The following AKAP10 variants were observed in gnomAD, a reference collection of about 807,000 sequenced individuals.
AKAP10 encodes A-kinase anchoring protein 10.
A neutral mutation model predicts 80.8 loss-of-function variants in AKAP10; 24 were observed. The ratio of observed to expected loss-of-function variants is 0.30; its 90% confidence interval spans 0.22 to 0.42. The LOEUF is 0.42. Among genes scored for constraint, AKAP10 ranks in the 10% least tolerant of loss-of-function variants. The probability of loss-of-function intolerance (pLI) is 1.00; values close to 1 mark genes in which losing one functional copy is unlikely to be tolerated. For missense variants in AKAP10, 661 were observed against 794.9 expected (o/e 0.83, Z 2.03); for synonymous variants, 291 against 277.7 (o/e 1.05, Z -0.48).
intron 4 of AKAP10, among the ~76,000 whole-genome samples, chr17:19,957,398 C>T (rs980873899): frequency 2.6e-5 from 4 of 151,874 alleles, no homozygotes; most frequent in Admixed American, 6.6e-5. Context: ...AAAAATTAGC[C>T]GGGTGTGGTG....
intron 4 of AKAP10, among the ~76,000 whole-genome samples, chr17:19,956,371 C>T (rs940820006): frequency 1.3e-5 from 2 of 152,124 alleles, no homozygotes; most frequent in Non-Finnish European, 2.9e-5. Context: ...AAGCCACCAA[C>T]AGTCTGAATC....
chr17:19,906,304 G>C (rs2042631360), intron 14 of AKAP10, 72 bp from the exon 15 acceptor site: 1 of 1,516,146 alleles, frequency 6.6e-7, no homozygotes, highest in African/African-American at 1.4e-5. Context: ...ACAAATTAAG[G>C]ATGGACACCA....
At chr17:19,964,342 C>G (rs1057055008) in intron 2 of AKAP10, among the ~76,000 whole-genome samples, 2 of 152,156 alleles carry the variant, frequency 1.3e-5, no homozygotes, top group African/African-American at 4.8e-5. Context: ...GTCTATCTTT[C>G]TTGGTCTCCA....
intron 4 of AKAP10, among the ~76,000 whole-genome samples, chr17:19,948,729 T>TA (rs2043164925): frequency 6.6e-6 from 1 of 152,106 alleles, no homozygotes; most frequent in Admixed American, 6.5e-5. Context: ...CGTCGAGTTG[T>TA]ATGTGCACTC....
intron 5 of AKAP10, among the ~76,000 whole-genome samples, chr17:19,946,166 A>AATATATACT (rs60830570): frequency 0.076 from 7,945 of 103,894 alleles, 644 homozygotes; most frequent in Non-Finnish European, 0.083. Flanking sequence ...ACTAATATAT[A>AATATATACT]ATATATACTA....
At chr17:19,936,028 T>C in intron 9 of AKAP10, 1 of 314,994 alleles carries the variant, frequency 3.2e-6, no homozygotes, top group Non-Finnish European at 5.7e-6. Flanking sequence ...TTTTTCTAAC[T>C]TTTGTTATTA....
chr17:19,934,451 A>G (rs1597501843), intron 9 of AKAP10, among the ~76,000 whole-genome samples: 2 of 152,196 alleles, frequency 1.3e-5, no homozygotes, highest in South Asian at 4.1e-4. Flanking sequence ...AGGCTCATGC[A>G]ATCCTCCAGC....
chr17:19,932,354 G>A (rs1266843012), intron 9 of AKAP10, among the ~76,000 whole-genome samples: 1 of 151,256 alleles, frequency 6.6e-6, no homozygotes, highest in Non-Finnish European at 1.5e-5. Context: ...CGGGAGGCCT[G>A]AGGCAGGAGA....
rs1400972069 is a variant in AKAP10, at chr17:19,958,452, G to A, written c.439C>T (p.Arg147Ter). Residue 147 changes from arginine to a stop codon, truncating the protein, a stop_gained, in exon 4 of 15, where the codon CGA becomes TGA. Transcript: ENST00000225737. LOFTEE classifies it high-confidence loss of function. ...PYFIQFMELR[R>*]MEHLVKFWLE... ...CAAAATTTCACCAAATGCTCCATTC[G>A]CCGAAGTTCCATGAATTGAATGAAG... 1.2e-6 allele frequency: 2 copies of A among 1,613,970 alleles called. No homozygotes were observed. The highest frequency in any genetic ancestry group is 2.2e-5 in the East Asian group (1 of 44,898).
At position 19,977,578 on chromosome 17, in the gene AKAP10, G is replaced by GC. The variant is rs1178456676; in HGVS notation, c.88+13dup. On this transcript the variant is annotated intron_variant, in intron 1 of 14. Coordinates refer to ENST00000225737, the MANE Select transcript of AKAP10 (RefSeq NM_007202.4). Reference sequence around the variant, plus strand: ...AGGCCCGGCCTGACTCCCCGCCGGCGCCCCCTCAGCTACCTTTCCGCCGGA... The same window carrying GC: ...AGGCCCGGCCTGACTCCCCGCCGGCGCCCCCCTCAGCTACCTTTCCGCCGGA... 3 of 1,232,962 alleles carry GC rather than the reference G, an allele frequency of 2.4e-6. No homozygotes were observed. Among genetic ancestry groups the GC allele is most frequent in the Non-Finnish European group, 3.0e-6 (3 of 987,612 alleles). The allele number at this position is 1,232,962 out of a possible 1,614,324, so 76.4% of individuals were successfully genotyped here.
At chr17:19,970,925 A>G (rs566011275) in intron 1 of AKAP10, among the ~76,000 whole-genome samples, 2 of 152,060 alleles carry the variant, frequency 1.3e-5, no homozygotes, top group South Asian at 2.1e-4. Flanking sequence ...TTTTTGAGAC[A>G]CGGTCTTGCT....
rs147137638 is a variant in AKAP10, at chr17:19,908,415, T to C, written c.1983+766A>G. On this transcript the variant is annotated intron_variant, in intron 14 of 14. Coordinates refer to ENST00000225737, the MANE Select transcript of AKAP10 (RefSeq NM_007202.4). ...TCTCTCTACTCTGGCCAGATCCTTC[T>C]GGCCATGAACTTTTCTTAGCCCTAT... is the stretch of plus-strand genomic sequence containing the variant. Among the ~76,000 whole-genome samples, 387 of 152,294 alleles carry C rather than the reference T, an allele frequency of 2.5e-3. 2 individuals are homozygous for C. Among genetic ancestry groups the C allele is most frequent in the African/African-American group, 8.8e-3 (365 of 41,554 alleles).
intron 10 of AKAP10, among the ~76,000 whole-genome samples, chr17:19,925,263 T>C (rs1333601168): frequency 7.9e-5 from 12 of 152,226 alleles, no homozygotes; most frequent in Admixed American, 5.9e-4. Flanking sequence ...CTCACAGCAT[T>C]ATTTCTTCAA....
At chr17:19,941,967 A>C in intron 5 of AKAP10, 57 bp from the exon 6 acceptor site, 1 of 1,504,490 alleles carries the variant, frequency 6.6e-7, no homozygotes. Flanking sequence ...ATGTATACAC[A>C]CTTGTGAATC....
intron 11 of AKAP10, among the ~76,000 whole-genome samples, chr17:19,923,860 A>G (rs2042845452): frequency 6.6e-6 from 1 of 152,172 alleles, no homozygotes. Flanking sequence ...GTAATTAAAT[A>G]TGTTGAAATC....
chr17:19,940,683 A>G (rs1328363063), intron 7 of AKAP10, among the ~76,000 whole-genome samples: 4 of 152,240 alleles, frequency 2.6e-5, no homozygotes, highest in Admixed American at 6.5e-5. Flanking sequence ...TCTCAAAATT[A>G]GAGTTATTTA....
rs574341227 is a variant in AKAP10 at position 19,969,767 on chromosome 17, T to C, written c.89-1306A>G. On this transcript the variant is annotated intron_variant, in intron 1 of 14. Transcript: ENST00000225737. ...CTCAGAAAAGGCAATGATTTTGCCT[T>C]CAAAAAGTCTACATTCAAGTGTGTG... Among the ~76,000 whole-genome samples, 143 of 152,150 alleles carry C rather than the reference T, an allele frequency of 9.4e-4. 1 individual carries two copies. The highest frequency in any genetic ancestry group is 8.5e-3 in the South Asian group (41 of 4,814).
intron 2 of AKAP10, among the ~76,000 whole-genome samples, chr17:19,965,799 T>C (rs535480223): frequency 2.3e-4 from 35 of 152,174 alleles, no homozygotes; most frequent in African/African-American, 7.5e-4. Flanking sequence ...TAGATAATGA[T>C]AGCTACCAAT....
At position 19,958,455 on chromosome 17, in the gene AKAP10, G is replaced by A. The variant is rs781600088; in HGVS notation, c.436C>T (p.Arg146Trp). 7 of 1,614,082 alleles carry A rather than the reference G, an allele frequency of 4.3e-6. No individual in the cohort carries two copies. Among genetic ancestry groups the A allele is most frequent in the South Asian group, 1.1e-5 (1 of 91,078 alleles). Residue 146 changes from arginine to tryptophan, a missense_variant, in exon 4 of 15, where the codon CGG becomes TGG. Coordinates refer to ENST00000225737, the MANE Select transcript of AKAP10 (RefSeq NM_007202.4). Reference protein sequence around the residue: ...LPYFIQFMELRRMEHLVKFWL... With the variant: ...LPYFIQFMELWRMEHLVKFWL... ...AATTTCACCAAATGCTCCATTCGCC[G>A]AAGTTCCATGAATTGAATGAAGTAA...
Sources: allele counts gnomAD v4.1 joint callset (sites outside exome capture counted in the v4.1 genomes callset), GRCh38; gene constraint gnomAD v4.1.1; transcripts MANE v1.5; gene names NCBI Gene and HGNC (gene_info 2026-07-23, HGNC 2026-07-21).